Variants in GSG1L observed in about 807,000 individuals in gnomAD.
GSG1L encodes the protein germ cell-specific gene 1-like protein.
Under a neutral mutation model 42.1 loss-of-function variants are expected in GSG1L, and 24 were observed. The observed-to-expected ratio is 0.57, with a 90% CI of 0.41 to 0.80. The LOEUF (loss-of-function observed/expected upper bound fraction) is 0.80, where lower values mean the gene tolerates loss of function less well. Ranked by LOEUF, GSG1L falls within the 30% of genes least tolerant of loss-of-function variation. The probability of loss-of-function intolerance (pLI) is 0.00; values close to 1 mark genes in which losing one functional copy is unlikely to be tolerated. For synonymous variants in GSG1L, 215 were observed against 203.5 expected, an observed-to-expected ratio of 1.06 and a Z score of -0.48; for missense variants, 445 against 472.2, an observed-to-expected ratio of 0.94 and a Z score of 0.53.
intron 5 of GSG1L, among the ~76,000 whole-genome samples, chr16:27,819,501 C>T (rs547373588): frequency 2.6e-5 from 4 of 152,228 alleles, no homozygotes; most frequent in African/African-American, 4.8e-5. Flanking sequence ...ACCCAGACGA[C>T]GCCAGGAGGG....
chr16:28,049,682 GTC>G, intron 1 of GSG1L, among the ~76,000 whole-genome samples: 1 of 139,082 alleles, frequency 7.2e-6, no homozygotes, highest in Middle Eastern at 3.7e-3. Flanking sequence ...GTGAGACCCT[GTC>G]TCAAAAAAAA....
In GSG1L at chr16:27,884,309, T is replaced by G. The variant is rs2084000196; in HGVS notation, c.550+177A>C. Among the ~76,000 whole-genome samples, 1 of 152,208 alleles carries G rather than the reference T, an allele frequency of 6.6e-6. No individual in the cohort carries two copies. Among genetic ancestry groups the G allele is most frequent in the African/African-American group, 2.4e-5 (1 of 41,442 alleles). On this transcript the variant is annotated intron_variant, in intron 3 of 6. Coordinates refer to ENST00000447459, the MANE Select transcript of GSG1L (RefSeq NM_001109763.2). The surrounding 1 kb of genome is among the most constrained non-coding windows in gnomAD (Gnocchi z 4.4). ...TTAGTACCTGGTCTGGTGCTTAGCA[T>G]GTATTAGATGCTCAGTCAATATGCA...
intron 1 of GSG1L, among the ~76,000 whole-genome samples, chr16:27,964,476 A>G (rs2085106912): frequency 6.6e-6 from 1 of 152,220 alleles, no homozygotes; most frequent in Non-Finnish European, 1.5e-5. Context: ...GCACAATTGT[A>G]TTTATCAATT....
chr16:27,789,051 G>A lies in GSG1L; in HGVS notation c.*2319C>T, dbSNP rs1431382159. ...ATGCACAGCTGGATGGTTGAGTAAT[G>A]AGGATGTGTGACACATGGAAGGAGG... On this transcript the variant is annotated 3_prime_UTR_variant, in exon 7 of 7. Coordinates refer to ENST00000447459, the MANE Select transcript of GSG1L (RefSeq NM_001109763.2). The A allele has an allele frequency of 6.6e-6, 1 of 152,296 alleles. No individual in the cohort carries two copies. 9.4% of individuals were successfully genotyped at this position (152,296 alleles called of 1,614,324 possible). A position where few individuals can be genotyped will look rare whatever the true frequency, so the allele number is the denominator to read the frequency against.
At chr16:28,058,326 CAAAG>C (rs766238209) in intron 1 of GSG1L, among the ~76,000 whole-genome samples, 2 of 152,182 alleles carry the variant, frequency 1.3e-5, no homozygotes, top group Non-Finnish European at 2.9e-5. Flanking sequence ...ATTATGCAGA[CAAAG>C]GAAGTTATAC....
At chr16:27,975,145 C>T (rs1351954071) in intron 1 of GSG1L, among the ~76,000 whole-genome samples, 2 of 152,142 alleles carry the variant, frequency 1.3e-5, no homozygotes, top group African/African-American at 2.4e-5. Context: ...GGGAACCACA[C>T]TTTGAGAGCC....
chr16:27,911,280 TCTCTCTCTCTCTCTC>T (rs1555507788), intron 2 of GSG1L, among the ~76,000 whole-genome samples: 1 of 144,180 alleles, frequency 6.9e-6, no homozygotes, highest in African/African-American at 2.6e-5. Flanking sequence ...TCTCTCTCTC[TCTCTCTCTCTCTCTC>T]CTCTCTCTCT....
intron 1 of GSG1L, among the ~76,000 whole-genome samples, chr16:28,061,720 C>A (rs1382516385): frequency 6.6e-6 from 1 of 152,162 alleles, no homozygotes; most frequent in Non-Finnish European, 1.5e-5. Flanking sequence ...CCAAGTGTGG[C>A]AGGGAGATAA....
At chr16:27,874,441 CTTTTTTTTTTTTT>C (rs71140916) in intron 3 of GSG1L, among the ~76,000 whole-genome samples, 6 of 94,474 alleles carry the variant, frequency 6.4e-5, no homozygotes, top group Admixed American at 1.4e-4. Context: ...ACAGGAGAGC[CTTTTTTTTTTTTT>C]TTTTTTTTTT....
intron 2 of GSG1L, among the ~76,000 whole-genome samples, chr16:27,927,297 G>A (rs538982805): frequency 2.0e-5 from 3 of 152,076 alleles, no homozygotes; most frequent in East Asian, 1.9e-4. Flanking sequence ...CCACGGGTAC[G>A]TGCCTAATTT....
intron 1 of GSG1L, among the ~76,000 whole-genome samples, chr16:28,032,633 C>T (rs770392243): frequency 1.8e-4 from 27 of 152,108 alleles, no homozygotes; most frequent in Non-Finnish European, 2.9e-4. Flanking sequence ...AATTTAAGAT[C>T]GCTTCCTTCC....
intron 3 of GSG1L, among the ~76,000 whole-genome samples, chr16:27,867,876 G>T (rs1596568821): frequency 6.6e-6 from 1 of 152,206 alleles, no homozygotes; most frequent in Non-Finnish European, 1.5e-5. Context: ...CTGAGTCGGA[G>T]CCTGGGCCTA....
At chr16:27,800,393 C>T (rs1249689400) in intron 6 of GSG1L, among the ~76,000 whole-genome samples, 1 of 152,216 alleles carries the variant, frequency 6.6e-6, no homozygotes, top group Admixed American at 6.5e-5. Context: ...GACAGCCTCT[C>T]GTGGAGCCCA....
intron 6 of GSG1L, among the ~76,000 whole-genome samples, chr16:27,807,172 G>C (rs1333315223): frequency 6.6e-6 from 1 of 152,182 alleles, no homozygotes; most frequent in Non-Finnish European, 1.5e-5. Context: ...TTCTAGCCAG[G>C]ACTGTCCTCC....
chr16:27,863,934 G>A (rs2083685206), intron 3 of GSG1L, among the ~76,000 whole-genome samples: 1 of 152,234 alleles, frequency 6.6e-6, no homozygotes, highest in South Asian at 2.1e-4. Context: ...ATTAACTCAT[G>A]TAATGGAAAG....
At chr16:27,863,123 A>G (rs1417912801) in intron 3 of GSG1L, 1 of 152,136 alleles carries the variant, frequency 6.6e-6, no homozygotes, top group African/African-American at 2.4e-5. Flanking sequence ...ATTGCTTGCT[A>G]TAAAGTTTTT....
At chr16:27,794,084 G>C (rs2082789752) in intron 6 of GSG1L, among the ~76,000 whole-genome samples, 1 of 152,220 alleles carries the variant, frequency 6.6e-6, no homozygotes, top group Non-Finnish European at 1.5e-5. Context: ...GCGCCATCAT[G>C]GCTCACTGCA....
intron 3 of GSG1L, among the ~76,000 whole-genome samples, chr16:27,849,204 A>ACCCC (rs1567485072): frequency 0.31 from 28,413 of 93,156 alleles, 3,248 homozygotes; most frequent in East Asian, 0.52. Flanking sequence ...TCCCAAAAAG[A>ACCCC]AAAAAAAAAA....
intron 2 of GSG1L, among the ~76,000 whole-genome samples, chr16:27,947,599 A>AAAG (rs2084899124): frequency 9.3e-5 from 8 of 85,994 alleles, no homozygotes; most frequent in African/African-American, 4.1e-4. Flanking sequence ...GAAAGAAAGA[A>AAAG]AAAGAAAGAA....
Sources: allele counts gnomAD v4.1 joint callset (sites outside exome capture counted in the v4.1 genomes callset), GRCh38; gene constraint gnomAD v4.1.1; non-coding constraint Gnocchi (gnomAD v3.1); transcripts MANE v1.5; gene names NCBI Gene and HGNC (gene_info 2026-07-23, HGNC 2026-07-21).